The following DAB2IP variants were observed in gnomAD, a reference collection of about 807,000 sequenced individuals.
DAB2IP encodes disabled homolog 2-interacting protein.
A neutral mutation model predicts 107.2 loss-of-function variants in DAB2IP; 28 were observed. The observed-to-expected ratio is 0.26, with a 90% CI of 0.19 to 0.36. DAB2IP has a LOEUF of 0.36. Ranked by LOEUF, DAB2IP falls within the 10% of genes least tolerant of loss-of-function variation. The pLI is 1.00. For synonymous variants in DAB2IP, 755 were observed against 706.4 expected (o/e 1.07, Z -1.09); for missense variants, 1,400 against 1,644.7 (o/e 0.85, Z 2.57).
At chr9:121,677,960 C>A (rs962165671) in intron 1 of DAB2IP, among the ~76,000 whole-genome samples, 16 of 152,056 alleles carry the variant, frequency 1.1e-4, no homozygotes, top group African/African-American at 3.9e-4. Context: ...CTGTGCCAGG[C>A]CTTTTTCCCC....
chr9:121,626,046 A>G (rs1831634628), intron 1 of DAB2IP, among the ~76,000 whole-genome samples: 1 of 152,122 alleles, frequency 6.6e-6, no homozygotes, highest in Admixed American at 6.5e-5. Context: ...CACGTGGGGT[A>G]TGGGCCCTGG....
intron 1 of DAB2IP, among the ~76,000 whole-genome samples, chr9:121,596,087 G>A (rs571255539): frequency 6.6e-5 from 10 of 152,170 alleles, no homozygotes; most frequent in East Asian, 1.9e-4. Flanking sequence ...TTAGGAGGCC[G>A]AGGCAGGTGG....
At position 121,757,228 on chromosome 9, in the gene DAB2IP, T is replaced by C. The variant is rs541112223; in HGVS notation, c.516+62T>C. ...TCCTCTCCTGGCCTGGCTGGTCTCC[T>C]CCAGACATCCTCCTGGAGTCCAGTC... On this transcript the variant is annotated intron_variant, in intron 4 of 15. Transcript: ENST00000408936. The C allele has an allele frequency of 3.8e-6, 6 of 1,574,036 alleles. No homozygotes were observed. In the East Asian group the frequency reaches 1.4e-4, roughly 36 times the overall value.
intron 1 of DAB2IP, among the ~76,000 whole-genome samples, chr9:121,607,876 A>G (rs1830936485): frequency 6.6e-6 from 1 of 152,262 alleles, no homozygotes; most frequent in Non-Finnish European, 1.5e-5. Context: ...AATGTGTGAC[A>G]ACTGAGTCTA....
At chr9:121,678,866 C>T (rs896823424) in intron 2 of DAB2IP, 85 bp downstream of exon 2, 84 of 1,275,728 alleles carry the variant, frequency 6.6e-5, no homozygotes, top group Non-Finnish European at 8.7e-5. Flanking sequence ...CCCACGGCCC[C>T]CCTTCCTGGA....
intron 1 of DAB2IP, among the ~76,000 whole-genome samples, chr9:121,643,501 A>C (rs1490208932): frequency 2.0e-5 from 3 of 151,816 alleles, no homozygotes; most frequent in African/African-American, 7.3e-5. Flanking sequence ...CCTGCTCCCC[A>C]GTCCTCACTG....
chr9:121,717,137 C>T (rs1350147511), intron 3 of DAB2IP, among the ~76,000 whole-genome samples: 1 of 152,172 alleles, frequency 6.6e-6, no homozygotes, highest in East Asian at 1.9e-4. Flanking sequence ...TAGATTCACC[C>T]CTAGGTGATG....
chr9:121,632,105 C>T (rs1831912191), intron 1 of DAB2IP, among the ~76,000 whole-genome samples: 1 of 152,194 alleles, frequency 6.6e-6, no homozygotes, highest in African/African-American at 2.4e-5. Flanking sequence ...GAGGCTCAGA[C>T]CTCTGGGGCT....
intron 1 of DAB2IP, among the ~76,000 whole-genome samples, chr9:121,626,716 G>A (rs542024093): frequency 3.3e-5 from 5 of 152,180 alleles, no homozygotes; most frequent in African/African-American, 9.6e-5. Flanking sequence ...GAGCCACCGC[G>A]CCCAGCCAGA....
intron 2 of DAB2IP, among the ~76,000 whole-genome samples, chr9:121,688,170 AT>A: frequency 6.6e-6 from 1 of 152,060 alleles, no homozygotes; most frequent in Non-Finnish European, 1.5e-5. Context: ...AGACGCCTTC[AT>A]TTTCCCACCT....
chr9:121,720,268 G>C (rs926583265), intron 3 of DAB2IP, among the ~76,000 whole-genome samples: 9 of 152,176 alleles, frequency 5.9e-5, no homozygotes, highest in African/African-American at 2.2e-4. Context: ...GATCTCCTGT[G>C]GACCGGGCCC....
intron 4 of DAB2IP, among the ~76,000 whole-genome samples, chr9:121,758,222 G>A (rs539214291): frequency 1.3e-5 from 2 of 152,256 alleles, no homozygotes; most frequent in African/African-American, 4.8e-5. Flanking sequence ...GGAATTGCCC[G>A]GACTGGCTCC....
At chr9:121,663,008 G>GA (rs972314175) in intron 1 of DAB2IP, among the ~76,000 whole-genome samples, 1 of 152,164 alleles carries the variant, frequency 6.6e-6, no homozygotes, top group Non-Finnish European at 1.5e-5. Context: ...AGTAAAAAAG[G>GA]AAAAAGAAAC....
chr9:121,782,457 A>G lies in DAB2IP; in HGVS notation c.3529A>G (p.Ile1177Val). ...CCCCACCAACCCCACCAAATTGCAG[A>G]TTACTGAGAACGGCGAGTTCAGAAA... The change falls in exon 16 of 16, where the codon ATT becomes GTT. Residue 1177 changes from isoleucine to valine, a missense_variant. Physicochemically the swap from Ile to Val is conservative, Grantham distance 29 (BLOSUM62 3). Around this residue, in one of 3 missense-constraint regions of DAB2IP, gnomAD observed 600 missense variants for 659.1 expected, o/e 0.91. Coordinates refer to ENST00000408936, the Ensembl canonical transcript of DAB2IP. This position sits in a 1 kb window ranked among gnomAD's most constrained non-coding sequence, Gnocchi z 6.1. The G allele has an allele frequency of 6.2e-7, 1 of 1,614,074 alleles. No homozygotes were observed. Among genetic ancestry groups the G allele is most frequent in the Non-Finnish European group, 8.5e-7 (1 of 1,179,952 alleles).
intron 1 of DAB2IP, among the ~76,000 whole-genome samples, chr9:121,570,610 A>G (rs944271538): frequency 1.3e-5 from 2 of 152,140 alleles, no homozygotes; most frequent in African/African-American, 2.4e-5. Flanking sequence ...GTGCAATGGC[A>G]TGATCACAGC....
At chr9:121,743,548 T>C (rs1564193834) in intron 3 of DAB2IP, among the ~76,000 whole-genome samples, 1 of 151,914 alleles carries the variant, frequency 6.6e-6, no homozygotes, top group Non-Finnish European at 1.5e-5. Context: ...AGTTGGAACA[T>C]AGCCTTTGTT....
At chr9:121,642,295 C>A (rs1053132229) in intron 1 of DAB2IP, among the ~76,000 whole-genome samples, 1 of 151,174 alleles carries the variant, frequency 6.6e-6, no homozygotes, top group Non-Finnish European at 1.5e-5. Flanking sequence ...GGCTGGAGTG[C>A]AGTCGTGCAA....
intron 3 of DAB2IP, among the ~76,000 whole-genome samples, chr9:121,754,038 T>G (rs1339031764): frequency 6.6e-6 from 1 of 152,164 alleles, no homozygotes; most frequent in African/African-American, 2.4e-5. Flanking sequence ...GAGCAAGCAG[T>G]CCCTGCTGTG....
In DAB2IP at chr9:121,592,962, G is replaced by GA. The variant is rs1440864532; in HGVS notation, c.40+25734_40+25735insA. On this transcript the variant is annotated intron_variant, in intron 1 of 16. Transcript: ENST00000259371. ...AGTGTTGTACAGCGCCTCACTCAGGGGGTGGCACAAAGGACAGGAGGAAAG... is the reference window on the plus strand; with the variant it reads ...AGTGTTGTACAGCGCCTCACTCAGGGAGGTGGCACAAAGGACAGGAGGAAAG... 3.7e-3 allele frequency among the ~76,000 whole-genome samples: 568 copies of GA among 152,262 alleles called. 3 individuals carry two copies. The highest frequency in any genetic ancestry group is 0.013 in the African/African-American group (545 of 41,546).
Sources: allele counts gnomAD v4.1 joint callset (sites outside exome capture counted in the v4.1 genomes callset), GRCh38; gene constraint gnomAD v4.1.1; regional missense constraint gnomAD v4.1.1; non-coding constraint Gnocchi (gnomAD v3.1); transcripts MANE v1.5; gene names NCBI Gene and HGNC (gene_info 2026-07-23, HGNC 2026-07-21).